Variants in RTL4 observed in about 807,000 individuals in gnomAD.
RTL4 encodes the protein retrotransposon Gag like 4.
In RTL4, 4 loss-of-function variants were observed where a neutral mutation model predicts 5.3. The observed-to-expected ratio is 0.75, with a 90% CI of 0.37 to 1.72. The LOEUF (loss-of-function observed/expected upper bound fraction) is 1.72. RTL4 is among the 40% of genes most tolerant of loss of function. RTL4 has a pLI of 0.04. For missense variants in RTL4, 260 were observed against 227.1 expected, an observed-to-expected ratio of 1.14 and a Z score of -0.93; for synonymous variants, 98 against 87.3, an observed-to-expected ratio of 1.12 and a Z score of -0.68.
At chrX:112,341,079 A>G in the RTL4 span, among the ~76,000 whole-genome samples, 7 of 110,623 alleles carry the variant, frequency 6.3e-5, no homozygotes, top group Non-Finnish European at 1.3e-4. Flanking sequence ...AACTTAAAAA[A>G]CTTCTTTATG....
At chrX:112,438,176 G>A in the RTL4 span, among the ~76,000 whole-genome samples, 1 of 111,201 alleles carries the variant, frequency 9.0e-6, no homozygotes, top group East Asian at 2.8e-4. Context: ...TAATGAGGCT[G>A]TAGTCAAAAT....
At chrX:112,275,660 A>C in the RTL4 span, among the ~76,000 whole-genome samples, 1 of 111,744 alleles carries the variant, frequency 8.9e-6, no homozygotes, top group Non-Finnish European at 1.9e-5. Flanking sequence ...ACCTGGCCTG[A>C]CGTGGTGGCT....
the RTL4 span, among the ~76,000 whole-genome samples, chrX:112,375,028 G>T: frequency 8.9e-6 from 1 of 111,777 alleles, no homozygotes; most frequent in South Asian, 3.7e-4. Flanking sequence ...ACTTAGGAGG[G>T]AATTTTTAAT....
At chrX:112,301,202 G>A in the RTL4 span, among the ~76,000 whole-genome samples, 3 of 111,788 alleles carry the variant, frequency 2.7e-5, no homozygotes, top group Non-Finnish European at 5.6e-5. Context: ...AAAGTGGTAC[G>A]GAGTGACTGA....
chrX:112,406,478 T>A, the RTL4 span, among the ~76,000 whole-genome samples: 2 of 110,985 alleles, frequency 1.8e-5, no homozygotes, highest in African/African-American at 6.6e-5. Flanking sequence ...GAACTCACTA[T>A]CATGAGGACA....
At chrX:112,275,661 C>T in the RTL4 span, among the ~76,000 whole-genome samples, 1 of 111,631 alleles carries the variant, frequency 9.0e-6, no homozygotes, top group African/African-American at 3.3e-5. Context: ...CCTGGCCTGA[C>T]GTGGTGGCTC....
the RTL4 span, among the ~76,000 whole-genome samples, chrX:112,088,025 CT>C: frequency 9.5e-6 from 1 of 104,943 alleles, no homozygotes; most frequent in East Asian, 3.0e-4. Context: ...CTTTTTTTTC[CT>C]TTTTGTGGAG....
the RTL4 span, among the ~76,000 whole-genome samples, chrX:112,251,230 G>T: frequency 3.6e-5 from 4 of 112,333 alleles, no homozygotes; most frequent in African/African-American, 9.7e-5. Flanking sequence ...AAATGTAAAA[G>T]ATTATATTAT....
the RTL4 span, among the ~76,000 whole-genome samples, chrX:112,225,927 T>TA: frequency 8.1e-5 from 9 of 111,747 alleles, no homozygotes; most frequent in African/African-American, 2.6e-4. Context: ...ACAAAAAACT[T>TA]ATTTGTAGCA....
chrX:112,397,004 A>G, the RTL4 span, among the ~76,000 whole-genome samples: 7 of 111,925 alleles, frequency 6.3e-5, no homozygotes, highest in Admixed American at 3.8e-4. Context: ...TTGACTTACA[A>G]TCACCTAGAC....
chrX:112,346,138 T>A, the RTL4 span, among the ~76,000 whole-genome samples: 3 of 112,015 alleles, frequency 2.7e-5, no homozygotes, highest in Non-Finnish European at 5.6e-5. Flanking sequence ...GGTAACTTTT[T>A]TCTCTGTTTT....
chrX:112,094,245 G>A, the RTL4 span, among the ~76,000 whole-genome samples: 1 of 111,721 alleles, frequency 9.0e-6, no homozygotes, highest in African/African-American at 3.2e-5. Context: ...ACTTAGTGAT[G>A]GATCGAATAT....
chrX:112,359,606 T>TTCC, the RTL4 span, among the ~76,000 whole-genome samples: 3 of 111,556 alleles, frequency 2.7e-5, no homozygotes, highest in African/African-American at 9.8e-5. Flanking sequence ...TCTTTCTCTA[T>TTCC]TCCTAATGGG....
the RTL4 span, among the ~76,000 whole-genome samples, chrX:112,260,352 C>A: frequency 1.3e-4 from 15 of 111,461 alleles, no homozygotes; most frequent in African/African-American, 4.9e-4. Context: ...CATACAGAGG[C>A]CTTTTACTCT....
the RTL4 span, among the ~76,000 whole-genome samples, chrX:112,192,565 G>C: frequency 9.1e-6 from 1 of 110,408 alleles, no homozygotes; most frequent in Non-Finnish European, 1.9e-5. Flanking sequence ...ATTAATTTAG[G>C]AATTATCATT....
At chrX:112,367,541 T>G in the RTL4 span, among the ~76,000 whole-genome samples, 3 of 112,274 alleles carry the variant, frequency 2.7e-5, no homozygotes, top group African/African-American at 9.7e-5. Context: ...GTTTTTATAC[T>G]TTTAGTTTTA....
the RTL4 span, among the ~76,000 whole-genome samples, chrX:112,236,440 T>TATAAA: frequency 2.5e-5 from 2 of 79,209 alleles, no homozygotes; most frequent in African/African-American, 1.1e-4. Context: ...TATAGATCTA[T>TATAAA]ATCTATATAT....
At chrX:112,250,239 A>G in the RTL4 span, among the ~76,000 whole-genome samples, 1 of 109,418 alleles carries the variant, frequency 9.1e-6, no homozygotes, top group Non-Finnish European at 1.9e-5. Flanking sequence ...AGATCGTGCC[A>G]CTGCACTCCA....
the RTL4 span, among the ~76,000 whole-genome samples, chrX:112,137,755 G>T: frequency 1.8e-5 from 2 of 111,707 alleles, no homozygotes; most frequent in African/African-American, 6.5e-5. Context: ...ACAAGTGTTA[G>T]CAAGAATGTG....
Sources: allele counts gnomAD v4.1 joint callset (sites outside exome capture counted in the v4.1 genomes callset), GRCh38; gene constraint gnomAD v4.1.1; transcripts MANE v1.5; gene names NCBI Gene and HGNC (gene_info 2026-07-23, HGNC 2026-07-21).